Variants in ANO9 observed in about 807,000 individuals in gnomAD.
ANO9 encodes the protein anoctamin-9.
A neutral mutation model predicts 100.5 loss-of-function variants in ANO9; 80 were observed. The ratio of observed to expected loss-of-function variants is 0.80; its 90% CI spans 0.66 to 0.96. ANO9 has a LOEUF of 0.96. ANO9 is among the 40% of genes least tolerant of loss of function. The pLI is 0.00. For synonymous variants in ANO9, 473 were observed against 435.6 expected, an observed-to-expected ratio of 1.09 and a Z score of -1.07; for missense variants, 1,064 against 1,072.7, an observed-to-expected ratio of 0.99 and a Z score of 0.11.
chr11:425,374 A>G (rs1020814008), intron 15 of ANO9, among the ~76,000 whole-genome samples: 4 of 152,040 alleles, frequency 2.6e-5, no homozygotes, highest in African/African-American at 4.8e-5. Context: ...GCTGGATACA[A>G]TTGATAAAGA....
intron 1 of ANO9, among the ~76,000 whole-genome samples, chr11:436,101 C>T (rs1338281530): frequency 6.7e-5 from 8 of 119,750 alleles, no homozygotes; most frequent in African/African-American, 2.6e-4. Flanking sequence ...GAGTTTTCCT[C>T]GTGATGCCTA....
At chr11:427,991 A>G (rs1174336955) in intron 15 of ANO9, 97 bp downstream of exon 15, 1 of 554,824 alleles carries the variant, frequency 1.8e-6, no homozygotes, top group East Asian at 4.0e-5. Context: ...CTCAGCAGAA[A>G]TTACTTTTAA....
intron 19 of ANO9, 171 bp from the exon 20 acceptor site, chr11:419,900 C>A: frequency 7.0e-7 from 1 of 1,425,982 alleles, no homozygotes; most frequent in Non-Finnish European, 9.1e-7. Flanking sequence ...CAGAGCATGG[C>A]CTCTGCGCTC....
At chr11:423,562 C>T (rs1320280268) in intron 15 of ANO9, among the ~76,000 whole-genome samples, 1 of 152,108 alleles carries the variant, frequency 6.6e-6, no homozygotes, top group Non-Finnish European at 1.5e-5. Context: ...GGCTGGAGTG[C>T]AATGGTGAGA....
At chr11:431,794 C>T (rs757327207) in intron 6 of ANO9, 27 bp from the exon 7 acceptor site, 12 of 1,612,184 alleles carry the variant, frequency 7.4e-6, no homozygotes. Context: ...AGAGTGAGAG[C>T]CCCCATCCCA....
At chr11:435,888 G>A (rs1425014086) in intron 1 of ANO9, among the ~76,000 whole-genome samples, 1 of 145,266 alleles carries the variant, frequency 6.9e-6, no homozygotes, top group Non-Finnish European at 1.5e-5. Flanking sequence ...AGCATAATAT[G>A]GTATAGTCTA....
In ANO9 at chr11:421,370, G is replaced by GCA. The variant is rs148462393; in HGVS notation, c.1335-174_1335-173dup. 5,134 of 515,110 alleles carry GCA rather than the reference G, an allele frequency of 1.0e-2. 18 individuals are homozygous for GCA. The highest frequency in any genetic ancestry group is 0.013 in the African/African-American group (639 of 50,010). The allele number at this position is 515,110 out of a possible 1,614,324, so 31.9% of individuals were successfully genotyped here. A position where few individuals can be genotyped will look rare whatever the true frequency, so the allele number is the denominator to read the frequency against. ...ATGAACCGCACCCGCACGTGGGCAC[G>GCA]CACACACACACACACACACACAGGG... On this transcript the variant is annotated intron_variant, in intron 15 of 22. Transcript: ENST00000332826. The surrounding 1 kb of genome is among the most constrained non-coding windows in gnomAD (Gnocchi z 6.8).
At position 418,531 on chromosome 11, in the gene ANO9, G is replaced by A. The variant is rs144928396; in HGVS notation, c.2189C>T (p.Ser730Leu). 3.3e-4 allele frequency: 531 copies of A among 1,613,094 alleles called. 3 individuals are homozygous for A. The highest frequency in any genetic ancestry group is 4.0e-4 in the Admixed American group (24 of 60,026). Residue 730 changes from serine to leucine, a missense_variant, in exon 23 of 23, where the codon TCG (serine) becomes TTG (leucine). Coordinates refer to ENST00000332826, the MANE Select transcript of ANO9 (RefSeq NM_001012302.3). ...CACCTCCAGAACCTTGTTCTTCACCGACTGAGGGATGTCGGGCACGAACCA... is the reference window on the plus strand; with the variant it reads ...CACCTCCAGAACCTTGTTCTTCACCAACTGAGGGATGTCGGGCACGAACCA... ...AAWFVPDIPQ[S>L]VKNKVLEVKY...
chr11:420,802 C>G lies in ANO9; in HGVS notation c.1549G>C (p.Asp517His), dbSNP rs758616510. 2 of 1,596,416 alleles carry G rather than the reference C, an allele frequency of 1.3e-6. No homozygotes were observed. Among genetic ancestry groups the G allele is most frequent in the South Asian group, 1.1e-5 (1 of 89,966 alleles). ...CGCCGCCAGTCCCTGAGCTCGGGGT[C>G]CCGGGGCAGGTGCCCGGACTCGGAG... The part of the protein sequence containing the change: ...RASESGHLPR[D>H]PELRDWRRNY... The change falls in exon 18 of 23, where the codon GAC (aspartate) becomes CAC (histidine). Residue 517 changes from aspartate (D) to histidine (H), a missense_variant. Physicochemically the swap from Asp to His is moderately conservative, Grantham distance 81. Transcript: ENST00000332826.
intron 15 of ANO9, among the ~76,000 whole-genome samples, chr11:423,911 A>ACACACG: frequency 6.6e-6 from 1 of 151,732 alleles, no homozygotes; most frequent in South Asian, 2.1e-4. Context: ...ACACACACAC[A>ACACACG]CACACACACA....
chr11:428,398 C>T lies in ANO9; in HGVS notation c.1186-4G>A, dbSNP rs200945649. The stretch of plus-strand genomic sequence containing the variant: ...TCAGGGCCACGCACCTGTTGATCTG[C>T]GGAGGAGGGCACCGAATGGGCTCAC... On this transcript the variant is annotated splice_polypyrimidine_tract_variant and splice_region_variant and intron_variant, in intron 13 of 22. Transcript: ENST00000332826. 2.2e-5 allele frequency: 36 copies of T among 1,612,640 alleles called. No homozygotes were observed. Among genetic ancestry groups the T allele is most frequent in the East Asian group, 2.0e-4 (9 of 44,858 alleles).
intron 1 of ANO9, among the ~76,000 whole-genome samples, chr11:438,833 C>T (rs1051364584): frequency 3.3e-5 from 5 of 152,164 alleles, no homozygotes; most frequent in African/African-American, 1.2e-4. Flanking sequence ...TGTCTGGGAC[C>T]CCCATGTCCC....
intron 1 of ANO9, among the ~76,000 whole-genome samples, chr11:437,191 C>T (rs1845420585): frequency 6.6e-6 from 1 of 152,042 alleles, no homozygotes; most frequent in Non-Finnish European, 1.5e-5. Context: ...TTATGAGAAT[C>T]TAATGCCTGA....
Position 433,868 on chromosome 11 carries a change from C to T in ANO9, c.151G>A (p.Ala51Thr), listed in dbSNP as rs1015044756. ...TCCTCCAGGAACTGTTGCTGCCGCG[C>T]CTGCCGGGGGTCTCTCTGGGTGTGA... ...QRHTQRDPRQ[A>T]RQQQFLEELR... Residue 51 changes from alanine to threonine, a missense_variant, in exon 3 of 23, where the codon GCG becomes ACG. Transcript: ENST00000332826. 1.3e-6 allele frequency: 2 copies of T among 1,563,478 alleles called. No homozygotes were observed. Among genetic ancestry groups the T allele is most frequent in the African/African-American group, 2.7e-5 (2 of 74,196 alleles).
intron 15 of ANO9, among the ~76,000 whole-genome samples, chr11:423,091 G>T (rs1223619229): frequency 6.6e-6 from 1 of 152,060 alleles, no homozygotes; most frequent in Non-Finnish European, 1.5e-5. Context: ...GCCTCCCAAA[G>T]TGCTGGGATT....
intron 15 of ANO9, 40 bp downstream of exon 15, chr11:428,048 C>T (rs1848630396): frequency 1.1e-5 from 15 of 1,377,764 alleles, no homozygotes; most frequent in Non-Finnish European, 1.2e-5. Context: ...GGAACAAGCC[C>T]TCGTGAGTTG....
chr11:434,073 A>G lies in ANO9; in HGVS notation c.32T>C (p.Val11Ala). 1 of 1,550,792 alleles carries G rather than the reference A, an allele frequency of 6.4e-7. No homozygotes were observed. Among genetic ancestry groups the G allele is most frequent in the Non-Finnish European group, 8.7e-7 (1 of 1,147,220 alleles). The change falls in exon 2 of 23, where the codon GTG (valine) becomes GCG (alanine). Residue 11 changes from valine to alanine, a missense_variant. Physicochemically the swap from Val to Ala is moderately conservative, Grantham distance 64. Transcript: ENST00000332826. MQGEESLRIL[V>A]EPEGDSFPLM... ...CGGGAAGCTGTCCCCTTCGGGCTCCACCAGGATCCGGAGGCTCTCTTCGCC... is the reference window on the plus strand; with the variant it reads ...CGGGAAGCTGTCCCCTTCGGGCTCCGCCAGGATCCGGAGGCTCTCTTCGCC...
At chr11:438,874 T>C (rs1011637590) in intron 1 of ANO9, among the ~76,000 whole-genome samples, 1 of 152,056 alleles carries the variant, frequency 6.6e-6, no homozygotes, top group Non-Finnish European at 1.5e-5. Context: ...CGGGAAACTA[T>C]GTATGGGCCC....
In ANO9 at chr11:430,120, C is replaced by T. The variant is rs765388717; in HGVS notation, c.734G>A (p.Arg245Lys). 7.7e-6 allele frequency: 12 copies of T among 1,553,010 alleles called. No individual in the cohort carries two copies. The highest frequency in any genetic ancestry group is 1.0e-5 in the Non-Finnish European group (12 of 1,148,774). The change falls in exon 9 of 23, where the codon AGG becomes AAG. Residue 245 changes from arginine to lysine, a missense_variant. Transcript: ENST00000332826. ...GCAGGTTTCCGAGAGCCGCTGGTACCTGCGGCTGTGGTCGCCGAGGGGACA... is the reference window on the plus strand; with the variant it reads ...GCAGGTTTCCGAGAGCCGCTGGTACTTGCGGCTGTGGTCGCCGAGGGGACA... Reference protein sequence around the residue: ...LMCPLGDHSRRYQRLSETCTF... With the variant: ...LMCPLGDHSRKYQRLSETCTF...
Sources: allele counts gnomAD v4.1 joint callset (sites outside exome capture counted in the v4.1 genomes callset), GRCh38; gene constraint gnomAD v4.1.1; non-coding constraint Gnocchi (gnomAD v3.1); transcripts MANE v1.5; gene names NCBI Gene and HGNC (gene_info 2026-07-23, HGNC 2026-07-21).